CNKSR2: variants seen among roughly 807,000 people sequenced by gnomAD.
The protein encoded by CNKSR2 is connector enhancer of kinase suppressor of Ras 2.
CNKSR2 carries 14 observed loss-of-function variants against 84.4 expected under a neutral mutation model. The ratio of observed to expected loss-of-function variants is 0.17; its 90% CI spans 0.11 to 0.26. CNKSR2 has a LOEUF of 0.26. Ranked by LOEUF, CNKSR2 falls within the 10% of genes least tolerant of loss-of-function variation. The pLI is 1.00. For synonymous variants in CNKSR2, 275 were observed against 277.9 expected, an observed-to-expected ratio of 0.99 and a Z score of 0.10; for missense variants, 485 against 771.2, an observed-to-expected ratio of 0.63 and a Z score of 4.40.
chrX:21,458,002 A>G (rs1486061404), intron 4 of CNKSR2, among the ~76,000 whole-genome samples: 1 of 111,926 alleles, frequency 8.9e-6, no homozygotes, highest in African/African-American at 3.2e-5. Flanking sequence ...TGCTGAAGGA[A>G]TAAGAAGGGA....
At chrX:21,417,028 T>C (rs1646882202) in intron 1 of CNKSR2, among the ~76,000 whole-genome samples, 1 of 111,772 alleles carries the variant, frequency 8.9e-6, no homozygotes, top group African/African-American at 3.2e-5. Flanking sequence ...GAAGTTTTTC[T>C]TCTTTTTTGA....
At chrX:21,469,432 G>A (rs1019386998) in intron 4 of CNKSR2, among the ~76,000 whole-genome samples, 19 of 111,564 alleles carry the variant, frequency 1.7e-4, no homozygotes, top group African/African-American at 5.9e-4. Flanking sequence ...TTGTGGTGAA[G>A]TTGCATTATC....
chrX:21,518,166 A>G (rs2091747443), intron 9 of CNKSR2, among the ~76,000 whole-genome samples: 1 of 111,811 alleles, frequency 8.9e-6, no homozygotes. Flanking sequence ...TCTAAGTCAT[A>G]GATGAGTAGA....
chrX:21,638,424 C>T (rs1318805658), intron 20 of CNKSR2, among the ~76,000 whole-genome samples: 2 of 112,153 alleles, frequency 1.8e-5, no homozygotes, highest in Non-Finnish European at 3.8e-5. Flanking sequence ...ATTTCCTATG[C>T]AAATTCAATC....
intron 4 of CNKSR2, among the ~76,000 whole-genome samples, chrX:21,465,768 G>A (rs1203443506): frequency 9.0e-6 from 1 of 111,143 alleles, no homozygotes; most frequent in Non-Finnish European, 1.9e-5. Flanking sequence ...TACAATTGAT[G>A]AGAAATATTA....
chrX:21,427,930 T>G (rs1369157913), intron 2 of CNKSR2: 1 of 111,922 alleles, frequency 8.9e-6, no homozygotes, highest in Non-Finnish European at 1.9e-5. Flanking sequence ...GACAAAAAGT[T>G]GGAGAAAAGT....
chrX:21,502,081 A>C (rs2091565561), intron 8 of CNKSR2, among the ~76,000 whole-genome samples: 1 of 106,218 alleles, frequency 9.4e-6, no homozygotes, highest in South Asian at 4.5e-4. Context: ...TAAAATTTTT[A>C]ATAGCTGAAT....
intron 20 of CNKSR2, among the ~76,000 whole-genome samples, chrX:21,648,342 T>C (rs1382183692): frequency 9.0e-6 from 1 of 111,533 alleles, no homozygotes; most frequent in Non-Finnish European, 1.9e-5. Flanking sequence ...TCTGGAAAAA[T>C]GTAAAAATCA....
intron 20 of CNKSR2, among the ~76,000 whole-genome samples, chrX:21,641,157 A>G (rs2092690223): frequency 8.9e-6 from 1 of 112,342 alleles, no homozygotes; most frequent in Admixed American, 9.4e-5. Flanking sequence ...AATTTTCTCA[A>G]AAGAAATGGT....
intron 21 of CNKSR2, 73 bp downstream of exon 21, chrX:21,649,100 G>T: frequency 1.3e-6 from 1 of 784,537 alleles, no homozygotes; most frequent in Non-Finnish European, 1.8e-6. Flanking sequence ...GATACTGTAG[G>T]TTAAGAAATA....
chrX:21,473,745 G>GT (rs768497403), intron 5 of CNKSR2, among the ~76,000 whole-genome samples: 745 of 67,144 alleles, frequency 0.011, 14 homozygotes, highest in Non-Finnish European at 0.014. Flanking sequence ...TGTTGGTTTG[G>GT]TTTTTTTTTT....
At chrX:21,578,510 A>G (rs185384022) in intron 13 of CNKSR2, among the ~76,000 whole-genome samples, 15 of 108,739 alleles carry the variant, frequency 1.4e-4, no homozygotes, top group African/African-American at 4.7e-4. Flanking sequence ...TCTGAACCTC[A>G]GTTTCTCATA....
intron 1 of CNKSR2, among the ~76,000 whole-genome samples, chrX:21,377,659 C>T (rs1261642790): frequency 9.0e-6 from 1 of 111,501 alleles, no homozygotes; most frequent in Non-Finnish European, 1.9e-5. Flanking sequence ...TAGTAAGGTA[C>T]ATTCTTTATG....
chrX:21,571,122 G>A (rs780880013), intron 13 of CNKSR2, among the ~76,000 whole-genome samples: 18 of 112,287 alleles, frequency 1.6e-4, no homozygotes, highest in African/African-American at 5.5e-4. Flanking sequence ...TCCACTATAA[G>A]GCTGTTTCAT....
chrX:21,402,027 A>C (rs1468955523), intron 1 of CNKSR2, among the ~76,000 whole-genome samples: 1 of 111,382 alleles, frequency 9.0e-6, no homozygotes, highest in Non-Finnish European at 1.9e-5. Flanking sequence ...ATTTTCTCTC[A>C]AACATATGGT....
intron 8 of CNKSR2, among the ~76,000 whole-genome samples, chrX:21,502,234 G>C (rs1188706741): frequency 1.0e-5 from 1 of 98,240 alleles, no homozygotes; most frequent in Non-Finnish European, 2.1e-5. Context: ...TATAATAGTG[G>C]GATTCTGTGC....
At chrX:21,527,356 T>G (rs758781836) in intron 10 of CNKSR2, among the ~76,000 whole-genome samples, 1 of 110,367 alleles carries the variant, frequency 9.1e-6, no homozygotes, top group African/African-American at 3.3e-5. Context: ...AAGCATTTCA[T>G]ACATTTTTTT....
At chrX:21,480,995 G>A (rs1000558096) in intron 5 of CNKSR2, among the ~76,000 whole-genome samples, 8 of 111,940 alleles carry the variant, frequency 7.1e-5, no homozygotes, top group African/African-American at 2.6e-4. Context: ...TTTAAAAGTT[G>A]AGTGACCTTG....
At chrX:21,432,962 G>T in intron 3 of CNKSR2, 148 bp downstream of exon 3, 1 of 497,543 alleles carries the variant, frequency 2.0e-6, no homozygotes, top group South Asian at 4.8e-5. Context: ...CAATATAGGG[G>T]TATTAAATAG....
Sources: gnomAD v4.1 joint callset for allele counts (sites outside exome capture counted in the v4.1 genomes callset) on GRCh38, gnomAD v4.1.1 for gene constraint, MANE v1.5 for transcripts, NCBI Gene and HGNC (gene_info 2026-07-23, HGNC 2026-07-21) for gene names.